Variants in PLCB4 observed in about 807,000 individuals in gnomAD.
PLCB4 encodes phospholipase C beta 4, also known as 1-phosphatidylinositol 4,5-bisphosphate phosphodiesterase beta-4.
In PLCB4, 77 loss-of-function variants were observed where a neutral mutation model predicts 178.8. The ratio of observed to expected loss-of-function variants is 0.43; its 90% CI spans 0.36 to 0.52. The LOEUF (loss-of-function observed/expected upper bound fraction) is 0.52, where lower values mean the gene tolerates loss of function less well. Ranked by LOEUF, PLCB4 falls within the 20% of genes least tolerant of loss-of-function variation. The probability of loss-of-function intolerance (pLI) is 0.00; values close to 1 mark genes in which losing one functional copy is unlikely to be tolerated. For synonymous variants in PLCB4, 496 were observed against 490.8 expected (o/e 1.01, Z -0.14); for missense variants, 1,024 against 1,453.4 (o/e 0.70, Z 4.80).
intron 1 of PLCB4, among the ~76,000 whole-genome samples, chr20:9,071,765 T>G (rs868561425): frequency 1.3e-5 from 2 of 152,384 alleles, no homozygotes; most frequent in South Asian, 4.1e-4. Flanking sequence ...TCTCCACACT[T>G]AATAGTAAAC....
chr20:9,388,577 G>T (rs984909545), intron 15 of PLCB4, among the ~76,000 whole-genome samples: 1 of 152,156 alleles, frequency 6.6e-6, no homozygotes, highest in Admixed American at 6.5e-5. Context: ...AAATTAGCTG[G>T]TGTGGTGGCA....
At chr20:9,214,071 A>G (rs1472349034) in intron 2 of PLCB4, among the ~76,000 whole-genome samples, 1 of 151,940 alleles carries the variant, frequency 6.6e-6, no homozygotes, top group Non-Finnish European at 1.5e-5. Flanking sequence ...TTCTCTTTTC[A>G]CTTTTTTGAC....
At chr20:9,297,615 C>T (rs2094653788) in intron 3 of PLCB4, among the ~76,000 whole-genome samples, 1 of 151,990 alleles carries the variant, frequency 6.6e-6, no homozygotes, top group African/African-American at 2.4e-5. Flanking sequence ...AGAACATGAC[C>T]CCTCAGAGGA....
chr20:9,285,139 A>T lies in PLCB4; in HGVS notation c.-15-22661A>T, dbSNP rs533136299. Among the ~76,000 whole-genome samples, 53 of 145,736 alleles carry T rather than the reference A, an allele frequency of 3.6e-4. 1 individual carries two copies. Among genetic ancestry groups the T allele is most frequent in the South Asian group, 1.1e-3 (5 of 4,620 alleles). On this transcript the variant is annotated intron_variant, in intron 3 of 39. Coordinates refer to ENST00000378473, the MANE Select transcript of PLCB4 (RefSeq NM_001377142.1). ...TGTGCTAGGAATGTTTTTTTTTTTT[A>T]AATTTGTTACAAAAGTAACATATTA...
intron 1 of PLCB4, among the ~76,000 whole-genome samples, chr20:9,078,411 G>T (rs1263061618): frequency 6.7e-6 from 1 of 149,776 alleles, no homozygotes; most frequent in Non-Finnish European, 1.5e-5. Context: ...TTTTGAGATG[G>T]AATGTCACTC....
intron 4 of PLCB4, among the ~76,000 whole-genome samples, chr20:9,315,305 C>T (rs1037538305): frequency 1.3e-5 from 2 of 152,146 alleles, no homozygotes; most frequent in Non-Finnish European, 2.9e-5. Context: ...GGCCCTTTAA[C>T]AATTCGGAAA....
rs191534157 is a variant in PLCB4, at chr20:9,279,602, G to A, written c.-15-28198G>A. ...TTGAGATATGAAAGATATTTTATAG[G>A]TATCAATAATTGACTTACTTCCAAA... On this transcript the variant is annotated intron_variant, in intron 3 of 39. Coordinates refer to ENST00000378473, the MANE Select transcript of PLCB4 (RefSeq NM_001377142.1). 7.6e-4 allele frequency among the ~76,000 whole-genome samples: 115 copies of A among 152,004 alleles called. 1 individual carries two copies. The highest frequency in any genetic ancestry group is 2.7e-3 in the African/African-American group (110 of 41,486).
In PLCB4 at chr20:9,427,619, T is replaced by A. The variant is rs188270111; in HGVS notation, c.2524+3667T>A. The stretch of plus-strand genomic sequence containing the variant: ...CTGTGGGTGCCAACGCCACCGTAGA[T>A]GGCATTTGCCCATTGCAAGGCTTTA... On this transcript the variant is annotated intron_variant, in intron 28 of 39. Transcript: ENST00000378473. 2.6e-5 allele frequency among the ~76,000 whole-genome samples: 4 copies of A among 152,372 alleles called. No homozygotes were observed. The East Asian group carries it at 7.7e-4, about 29-fold the overall frequency.
intron 4 of PLCB4, among the ~76,000 whole-genome samples, chr20:9,319,871 A>C (rs1005548056): frequency 6.6e-6 from 1 of 152,124 alleles, no homozygotes; most frequent in African/African-American, 2.4e-5. Flanking sequence ...TTGACATATA[A>C]AATTAATCAT....
intron 2 of PLCB4, among the ~76,000 whole-genome samples, chr20:9,179,167 G>C (rs1022283421): frequency 1.3e-5 from 2 of 152,174 alleles, no homozygotes; most frequent in African/African-American, 4.8e-5. Context: ...ATAGGGGACT[G>C]TTTGATAAGA....
intron 4 of PLCB4, among the ~76,000 whole-genome samples, chr20:9,317,984 A>C (rs1224907999): frequency 6.6e-6 from 1 of 151,870 alleles, no homozygotes; most frequent in African/African-American, 2.4e-5. Flanking sequence ...CTGTAATCCC[A>C]GCTGAAAATA....
chr20:9,455,813 A>T lies in PLCB4; in HGVS notation c.2997-1601A>T, dbSNP rs144677031. ...CTTCTGGAAAGCCATATCTGAGGAGAGTTTCTCATCATTAATATTCACCAT... is the reference window on the plus strand; with the variant it reads ...CTTCTGGAAAGCCATATCTGAGGAGTGTTTCTCATCATTAATATTCACCAT... On this transcript the variant is annotated intron_variant, in intron 33 of 39. Transcript: ENST00000378473. 1.7e-3 allele frequency among the ~76,000 whole-genome samples: 253 copies of T among 152,258 alleles called. 2 individuals are homozygous for T. The South Asian group carries it at 0.022, about 13-fold the overall frequency.
chr20:9,233,782 G>A (rs1278705201), intron 3 of PLCB4, among the ~76,000 whole-genome samples: 9 of 152,134 alleles, frequency 5.9e-5, no homozygotes, highest in Admixed American at 5.9e-4. Context: ...GCAGTTAGAT[G>A]CATGATCACC....
chr20:9,457,037 T>C (rs2043098761), intron 33 of PLCB4, among the ~76,000 whole-genome samples: 1 of 152,170 alleles, frequency 6.6e-6, no homozygotes, highest in Non-Finnish European at 1.5e-5. Context: ...TATAATGAAA[T>C]GGAAGAATGA....
chr20:9,383,412 T>G (rs1442938030), intron 13 of PLCB4, among the ~76,000 whole-genome samples: 1 of 152,250 alleles, frequency 6.6e-6, no homozygotes, highest in Non-Finnish European at 1.5e-5. Flanking sequence ...ACTTCTGTAT[T>G]AGCTTGAAAT....
At chr20:9,308,494 C>A (rs1487340914) in intron 4 of PLCB4, among the ~76,000 whole-genome samples, 1 of 152,160 alleles carries the variant, frequency 6.6e-6, no homozygotes, top group Non-Finnish European at 1.5e-5. Flanking sequence ...ATTGTAAATG[C>A]ATGATTTTTC....
chr20:9,090,243 G>GTGTGTGTGTGTA (rs1555816013), intron 1 of PLCB4, among the ~76,000 whole-genome samples: 1 of 151,776 alleles, frequency 6.6e-6, no homozygotes, highest in Non-Finnish European at 1.5e-5. Context: ...GTGTGTGTGT[G>GTGTGTGTGTGTA]TGTGTCTGTG....
intron 3 of PLCB4, among the ~76,000 whole-genome samples, chr20:9,249,992 A>G (rs2094163691): frequency 6.6e-6 from 1 of 152,198 alleles, no homozygotes; most frequent in Non-Finnish European, 1.5e-5. Context: ...GAGAAAAAGA[A>G]AAAAGGCAGA....
intron 3 of PLCB4, among the ~76,000 whole-genome samples, chr20:9,253,761 A>G (rs1383248762): frequency 6.6e-6 from 1 of 152,198 alleles, no homozygotes; most frequent in African/African-American, 2.4e-5. Flanking sequence ...GAAGCTGCCC[A>G]TGTTCACTTC....
Sources: allele counts gnomAD v4.1 joint callset (sites outside exome capture counted in the v4.1 genomes callset), GRCh38; gene constraint gnomAD v4.1.1; transcripts MANE v1.5; gene names NCBI Gene and HGNC (gene_info 2026-07-23, HGNC 2026-07-21).